PIK3R3: variants seen among roughly 807,000 people sequenced by gnomAD.
PIK3R3 encodes phosphatidylinositol 3-kinase regulatory subunit gamma.
PIK3R3 carries 64 observed loss-of-function variants against 62.9 expected under a neutral mutation model. That is an observed-to-expected ratio of 1.02 (90% CI 0.83 to 1.25). PIK3R3 has a LOEUF of 1.25. PIK3R3 is among the 50% of genes most tolerant of loss of function. The pLI is 0.00. For missense variants in PIK3R3, 614 were observed against 561.6 expected (o/e 1.09, Z -0.94); for synonymous variants, 165 against 189.0 (o/e 0.87, Z 1.04).
chr1:46,041,488 C>G lies in PIK3R3; in HGVS notation c.*2185G>C, dbSNP rs772500911. 2.3e-4 allele frequency: 41 copies of G among 175,454 alleles called. No individual in the cohort carries two copies. Among genetic ancestry groups the G allele is most frequent in the Non-Finnish European group, 3.4e-4 (28 of 81,234 alleles). 10.9% of individuals were successfully genotyped at this position (175,454 alleles called of 1,614,324 possible). A position where few individuals can be genotyped will look rare whatever the true frequency, so the allele number is the denominator to read the frequency against. On this transcript the variant is annotated 3_prime_UTR_variant, in exon 10 of 10. Coordinates refer to ENST00000262741, the MANE Select transcript of PIK3R3 (RefSeq NM_003629.4). ...CTGCACACCGCTGGTGTCTGCCCAA[C>G]AAGGAGCAGACACATTACTGAATAC...
At chr1:46,121,794 G>A (rs1654703496) in intron 1 of PIK3R3, among the ~76,000 whole-genome samples, 1 of 152,150 alleles carries the variant, frequency 6.6e-6, no homozygotes, top group Non-Finnish European at 1.5e-5. Flanking sequence ...GTCCAAGTAT[G>A]GATAAGGGTA....
At chr1:46,085,381 C>T (rs573701793) in intron 1 of PIK3R3, among the ~76,000 whole-genome samples, 1 of 152,128 alleles carries the variant, frequency 6.6e-6, no homozygotes, top group East Asian at 1.9e-4. Flanking sequence ...CTTTATAATC[C>T]AAAAGGATAA....
In PIK3R3 at chr1:46,085,785, T is replaced by A. The variant is rs1235684529; in HGVS notation, c.107-5035A>T. The stretch of plus-strand genomic sequence containing the variant: ...CTGCAATGCTGAGTGATAAGTTAGG[T>A]GCACCTAAGCAAATACCTTCTGAAA... On this transcript the variant is annotated intron_variant, in intron 1 of 9. Transcript: ENST00000262741. Among the ~76,000 whole-genome samples the A allele has an allele frequency of 2.6e-5, 4 of 152,332 alleles. No individual in the cohort carries two copies. The East Asian group carries it at 7.7e-4, about 29-fold the overall frequency.
At chr1:46,145,260 T>C in the PIK3R3 span, among the ~76,000 whole-genome samples, 2 of 152,110 alleles carry the variant, frequency 1.3e-5, no homozygotes, top group African/African-American at 2.4e-5. Context: ...TATCCTGCAC[T>C]GTGAGACTGT....
chr1:46,163,991 T>C, the PIK3R3 span, among the ~76,000 whole-genome samples: 1 of 152,106 alleles, frequency 6.6e-6, no homozygotes, highest in East Asian at 1.9e-4. Context: ...ACCAGCCCAG[T>C]GGTAGCAGGG....
At chr1:46,158,289 G>A in the PIK3R3 span, among the ~76,000 whole-genome samples, 31 of 152,308 alleles carry the variant, frequency 2.0e-4, no homozygotes, top group African/African-American at 7.5e-4. Context: ...ACTCACTTTA[G>A]AGTCTGCTCT....
intron 3 of PIK3R3, among the ~76,000 whole-genome samples, chr1:46,071,371 T>C (rs1003126119): frequency 2.0e-5 from 3 of 152,038 alleles, no homozygotes; most frequent in African/African-American, 7.2e-5. Context: ...ATATCCTAGA[T>C]ACATTTTTAC....
intron 1 of PIK3R3, among the ~76,000 whole-genome samples, chr1:46,124,820 G>A (rs534821016): frequency 4.1e-4 from 61 of 150,376 alleles, no homozygotes; most frequent in East Asian, 1.4e-3. Context: ...AAAAAAGGCC[G>A]GGCGTGGTGG....
intron 1 of PIK3R3, among the ~76,000 whole-genome samples, chr1:46,130,305 T>C (rs1026101227): frequency 6.6e-6 from 1 of 152,234 alleles, no homozygotes; most frequent in Non-Finnish European, 1.5e-5. Context: ...ACTAAATTTC[T>C]ATTCATATGT....
intron 6 of PIK3R3, 31 bp downstream of exon 6, chr1:46,061,898 T>C: frequency 6.3e-7 from 1 of 1,595,688 alleles, no homozygotes; most frequent in South Asian, 1.1e-5. Context: ...CCTGTCTCAC[T>C]GATGCCCTTG....
chr1:46,042,410 A>C lies in PIK3R3; in HGVS notation c.*1263T>G, dbSNP rs1647013676. 1 of 228,076 alleles carries C rather than the reference A, an allele frequency of 4.4e-6. No individual in the cohort carries two copies. The highest frequency in any genetic ancestry group is 5.7e-5 in the Admixed American group (1 of 17,600). 14.1% of individuals were successfully genotyped at this position (228,076 alleles called of 1,614,324 possible). A position where few individuals can be genotyped will look rare whatever the true frequency, so the allele number is the denominator to read the frequency against. On this transcript the variant is annotated 3_prime_UTR_variant, in exon 10 of 10. Coordinates refer to ENST00000262741, the MANE Select transcript of PIK3R3 (RefSeq NM_003629.4). The surrounding 1 kb of genome is among the most constrained non-coding windows in gnomAD (Gnocchi z 4.3). ...ACTAAGCCATCTTCTCTCCCTGCAA[A>C]AGCTTCAGAAACCACTGTATGGAAG...
chr1:46,173,117 A>G, the PIK3R3 span, among the ~76,000 whole-genome samples: 1 of 152,230 alleles, frequency 6.6e-6, no homozygotes, highest in Non-Finnish European at 1.5e-5. Context: ...GGGTGTGAGA[A>G]GGAAGCACTG....
At chr1:46,151,656 G>C in the PIK3R3 span, among the ~76,000 whole-genome samples, 3 of 152,126 alleles carry the variant, frequency 2.0e-5, no homozygotes, top group African/African-American at 7.2e-5. Context: ...TCAACTTTAG[G>C]AATGCTATAG....
At chr1:46,049,453 T>C (rs1011391162) in intron 7 of PIK3R3, among the ~76,000 whole-genome samples, 2 of 152,208 alleles carry the variant, frequency 1.3e-5, no homozygotes, top group Admixed American at 6.5e-5. Context: ...GCTTAGAGCC[T>C]GGCTGAAGTA....
At chr1:46,110,510 G>A (rs1557621092) in intron 1 of PIK3R3, among the ~76,000 whole-genome samples, 1 of 151,640 alleles carries the variant, frequency 6.6e-6, no homozygotes, top group Non-Finnish European at 1.5e-5. Context: ...ATATTCTCAG[G>A]CCTTGTTAAG....
At chr1:46,154,192 T>TGGTTA in the PIK3R3 span, among the ~76,000 whole-genome samples, 11 of 152,120 alleles carry the variant, frequency 7.2e-5, no homozygotes, top group African/African-American at 2.7e-4. Context: ...AAGGAGACAG[T>TGGTTA]GGTTACAGCC....
Position 46,077,504 on chromosome 1 carries a change from A to G in PIK3R3, c.314+11T>C, listed in dbSNP as rs371931762. ...AGTAGAGAACTAGCCAAAAGACTGA[A>G]AAGTACTTACCGCAAAGTCAAAGTA... On this transcript the variant is annotated intron_variant, in intron 3 of 9. Coordinates refer to ENST00000262741, the MANE Select transcript of PIK3R3 (RefSeq NM_003629.4). The G allele has an allele frequency of 1.3e-4, 191 of 1,518,072 alleles. No individual in the cohort carries two copies. The highest frequency in any genetic ancestry group is 1.7e-4 in the Non-Finnish European group (182 of 1,092,760). The allele number at this position is 1,518,072 out of a possible 1,614,324, so 94.0% of individuals were successfully genotyped here. A position where few individuals can be genotyped will look rare whatever the true frequency, so the allele number is the denominator to read the frequency against.
chr1:46,045,617 C>CTTTTTTTTTTTTTTTT, intron 9 of PIK3R3, among the ~76,000 whole-genome samples: 1 of 21,212 alleles, frequency 4.7e-5, no homozygotes, highest in East Asian at 2.6e-3. Flanking sequence ...CAATTAAGTG[C>CTTTTTTTTTTTTTTTT]TTTTTTTTTT....
intron 1 of PIK3R3, among the ~76,000 whole-genome samples, chr1:46,121,943 CT>C (rs1397240227): frequency 6.6e-6 from 1 of 151,826 alleles, no homozygotes; most frequent in South Asian, 2.1e-4. Flanking sequence ...AAATAATGAA[CT>C]TTAAAAATTA....
Sources: allele counts gnomAD v4.1 joint callset (sites outside exome capture counted in the v4.1 genomes callset), GRCh38; gene constraint gnomAD v4.1.1; non-coding constraint Gnocchi (gnomAD v3.1); transcripts MANE v1.5; gene names NCBI Gene and HGNC (gene_info 2026-07-23, HGNC 2026-07-21).